Variants in DLX6 observed in about 807,000 individuals in gnomAD.
DLX6 encodes the protein homeobox protein DLX-6.
Under a neutral mutation model 33.5 loss-of-function variants are expected in DLX6, and 4 were observed. The observed-to-expected ratio is 0.12, with a 90% CI of 0.06 to 0.27. The LOEUF (loss-of-function observed/expected upper bound fraction) is 0.27, where lower values mean the gene tolerates loss of function less well. Among genes scored for constraint, DLX6 ranks in the 10% least tolerant of loss-of-function variants. DLX6 has a pLI of 1.00. For synonymous variants in DLX6, 184 were observed against 164.8 expected, an observed-to-expected ratio of 1.12 and a Z score of -0.89; for missense variants, 382 against 393.3, an observed-to-expected ratio of 0.97 and a Z score of 0.24.
Position 97,010,314 on chromosome 7 carries a change from T to C in DLX6, c.*267T>C, listed in dbSNP as rs1393089585. 9.6e-6 allele frequency: 4 copies of C among 415,420 alleles called. No individual in the cohort carries two copies. The highest frequency in any genetic ancestry group is 1.7e-5 in the Non-Finnish European group (4 of 232,244). The allele number at this position is 415,420 out of a possible 1,614,324, so 25.7% of individuals were successfully genotyped here. On this transcript the variant is annotated 3_prime_UTR_variant, in exon 3 of 3. Transcript: ENST00000518156. Reference sequence around the variant, plus strand: ...CTTTCACCTTTTTTCTCATTTACCTTCTCTCTTGAGCAACGTCAGTAATTG... The same window carrying C: ...CTTTCACCTTTTTTCTCATTTACCTCCTCTCTTGAGCAACGTCAGTAATTG...
At chr7:97,008,309 A>G (rs559505773) in intron 2 of DLX6, among the ~76,000 whole-genome samples, 4 of 152,312 alleles carry the variant, frequency 2.6e-5, no homozygotes, top group Admixed American at 1.3e-4. Context: ...ATAGGTTCCA[A>G]TGAGGTTTAG....
Position 97,005,799 on chromosome 7 carries a change from G to A in DLX6, c.-179G>A. 2.2e-6 allele frequency: 1 copy of A among 463,680 alleles called. No homozygotes were observed. Among genetic ancestry groups the A allele is most frequent in the East Asian group, 3.5e-5 (1 of 28,668 alleles). The allele number at this position is 463,680 out of a possible 1,614,324, so 28.7% of individuals were successfully genotyped here. On this transcript the variant is annotated 5_prime_UTR_variant, in exon 1 of 3. Transcript: ENST00000518156. ...TTAAATATATATATATATTAGAGAAGAGCGAGGGAGAGGGAGAACCACCTC... is the reference window on the plus strand; with the variant it reads ...TTAAATATATATATATATTAGAGAAAAGCGAGGGAGAGGGAGAACCACCTC...
rs141424124 is a variant in DLX6 at position 97,007,735 on chromosome 7, G to A, written c.534G>A (p.Gln178=). 6.1e-4 allele frequency: 989 copies of A among 1,612,514 alleles called. 7 individuals are homozygous for A. The Admixed American group carries it at 8.8e-3, about 14-fold the overall frequency. Residue 178 remains glutamine (Q), a synonymous_variant, in exon 2 of 3, where the codon CAG becomes CAA. Transcript: ENST00000518156. ...RKPRTIYSSL[Q]LQALNHRFQQ... is the part of the protein sequence containing the mutation. ...CTCGGACCATTTATTCCAGCCTGCA[G>A]CTCCAGGCTTTAAACCATCGCTTTC...
At chr7:97,008,445 G>T (rs762679947) in intron 2 of DLX6, among the ~76,000 whole-genome samples, 29 of 152,290 alleles carry the variant, frequency 1.9e-4, no homozygotes, top group Admixed American at 1.2e-3. Context: ...TGCCTCCCTG[G>T]AGCACAGGAC....
rs1264998254 is a variant in DLX6, at chr7:97,006,058, G to A, written c.81G>A (p.Gln27=). The change falls in exon 1 of 3, where the codon CAG becomes CAA. Residue 27 remains glutamine (Q), a synonymous_variant. Coordinates refer to ENST00000518156, the MANE Select transcript of DLX6 (RefSeq NM_005222.4). ...CCGCCTTCATGGAGTTCGGGCAGCA[G>A]CAGCAGCAGCAGCAGCAACAGCAGC... ...SKSAFMEFGQ[Q]QQQQQQQQQQ... 2.5e-6 allele frequency: 4 copies of A among 1,577,604 alleles called. No homozygotes were observed. The highest frequency in any genetic ancestry group is 3.4e-6 in the Non-Finnish European group (4 of 1,162,818).
chr7:97,010,146 GAGAGCTCATA>G lies in DLX6; in HGVS notation c.*102_*111del, dbSNP rs1789816426. ...AAAGGAGCCAAAGGAGCAGGCTTAG[GAGAGCTCATA>G]AGTGTGGCAAGAAGCCGACTAGGCT... On this transcript the variant is annotated 3_prime_UTR_variant, in exon 3 of 3. Coordinates refer to ENST00000518156, the MANE Select transcript of DLX6 (RefSeq NM_005222.4). The G allele has an allele frequency of 1.7e-5, 25 of 1,441,490 alleles. No homozygotes were observed. Among genetic ancestry groups the G allele is most frequent in the Non-Finnish European group, 2.3e-5 (25 of 1,074,876 alleles). 89.3% of individuals were successfully genotyped at this position (1,441,490 alleles called of 1,614,324 possible).
rs1466847895 is a variant in DLX6, at chr7:97,005,975, TTGA to T, written c.5_7del (p.Met2?). The stretch of plus-strand genomic sequence containing the variant: ...AGGCTTTCTCCAGCCCCCAAAGTTT[TTGA>T]TGATGACCATGACTACGATGGCTGA... On this transcript the variant is annotated start_lost and 5_prime_UTR_variant, in exon 1 of 3. Coordinates refer to ENST00000518156, the MANE Select transcript of DLX6 (RefSeq NM_005222.4). The T allele has an allele frequency of 6.3e-7, 1 of 1,580,332 alleles. No homozygotes were observed. The highest frequency in any genetic ancestry group is 2.3e-5 in the East Asian group (1 of 42,870).
intron 2 of DLX6, among the ~76,000 whole-genome samples, chr7:97,008,196 T>C (rs1789778239): frequency 6.6e-6 from 1 of 152,224 alleles, no homozygotes; most frequent in Non-Finnish European, 1.5e-5. Flanking sequence ...AAGGTTCAAC[T>C]TTTTTAAGGA....
Position 97,005,862 on chromosome 7 carries a change from T to C in DLX6, c.-116T>C. 2.3e-6 allele frequency: 1 copy of C among 430,276 alleles called. No individual in the cohort carries two copies. Among genetic ancestry groups the C allele is most frequent in the Non-Finnish European group, 3.5e-6 (1 of 288,286 alleles). The allele number at this position is 430,276 out of a possible 1,614,324, so 26.7% of individuals were successfully genotyped here. On this transcript the variant is annotated 5_prime_UTR_variant, in exon 1 of 3. Coordinates refer to ENST00000518156, the MANE Select transcript of DLX6 (RefSeq NM_005222.4). ...TAAATTCTTTTTTTTTTTTTTTTTT[T>C]TTTTTGCAAGGATCCAAAGAGCTAA...
Position 97,007,840 on chromosome 7 carries a change from C to T in DLX6, c.630+9C>T, listed in dbSNP as rs972495662. 3 of 1,575,600 alleles carry T rather than the reference C, an allele frequency of 1.9e-6. No individual in the cohort carries two copies. Among genetic ancestry groups the T allele is most frequent in the African/African-American group, 1.4e-5 (1 of 73,410 alleles). ...GACTGACACAAACACAGGTAATTCC[C>T]GAGAAGCCCAAGTATCCCTGAAATG... On this transcript the variant is annotated intron_variant, in intron 2 of 2. Transcript: ENST00000518156.
At position 97,005,997 on chromosome 7, in the gene DLX6, T is replaced by C. The variant is rs1789705490; in HGVS notation, c.20T>C (p.Met7Thr). 1.3e-6 allele frequency: 2 copies of C among 1,596,580 alleles called. No individual in the cohort carries two copies. The highest frequency in any genetic ancestry group is 1.7e-6 in the Non-Finnish European group (2 of 1,171,552). ...TTTTTGATGATGACCATGACTACGA[T>C]GGCTGACGGCTTGGAAGGCCAGGAC... MMTMTT[M>T]ADGLEGQDSS... The change falls in exon 1 of 3, where the codon ATG becomes ACG. Residue 7 changes from methionine to threonine, a missense_variant. By Grantham distance (81) the Met-to-Thr change is moderately conservative (BLOSUM62 -1). Coordinates refer to ENST00000518156, the MANE Select transcript of DLX6 (RefSeq NM_005222.4).
rs541683065 is a variant in DLX6 at position 97,006,087 on chromosome 7, A to C, written c.110A>C (p.Gln37Pro). 3.2e-6 allele frequency: 5 copies of C among 1,560,190 alleles called. No individual in the cohort carries two copies. In the South Asian group the frequency reaches 4.7e-5, roughly 15 times the overall value. The change falls in exon 1 of 3, where the codon CAG (glutamine) becomes CCG (proline). Residue 37 changes from glutamine to proline, a missense_variant. By Grantham distance (76) the Gln-to-Pro change is moderately conservative. Transcript: ENST00000518156. ...CAGCAGCAGCAGCAACAGCAGCAGC[A>C]GCAGCAGCAGCAACAGCAACAGCCG... ...QQQQQQQQQQ[Q>P]QQQQQQQPPP...
intron 1 of DLX6, 198 bp from the exon 2 acceptor site, chr7:97,007,440 A>G (rs1789760772): frequency 6.3e-6 from 4 of 637,832 alleles, no homozygotes; most frequent in Non-Finnish European, 1.1e-5. Context: ...TGTTCGGGCC[A>G]GGGACTGGGT....
At chr7:97,009,678 G>A in intron 2 of DLX6, 118 bp from the exon 3 acceptor site, 2 of 1,457,166 alleles carry the variant, frequency 1.4e-6, no homozygotes, top group Middle Eastern at 1.8e-4. Flanking sequence ...GGCGTTGGCG[G>A]TGGTTGTTTT....
In DLX6 at chr7:97,010,660, CACATA is replaced by C. The variant is rs1470186860; in HGVS notation, c.*617_*621del. 1 of 152,526 alleles carries C rather than the reference CACATA, an allele frequency of 6.6e-6. No individual in the cohort carries two copies. Among genetic ancestry groups the C allele is most frequent in the Non-Finnish European group, 1.5e-5 (1 of 68,038 alleles). The allele number at this position is 152,526 out of a possible 1,614,324, so 9.4% of individuals were successfully genotyped here. On this transcript the variant is annotated 3_prime_UTR_variant, in exon 3 of 3. Coordinates refer to ENST00000518156, the MANE Select transcript of DLX6 (RefSeq NM_005222.4). Reference sequence around the variant, plus strand: ...GACTGACGAGAAAAAGAAAATTCCTCACATAACAGCCCTTCTCTAAAGAAAAAGGA... The same window carrying C: ...GACTGACGAGAAAAAGAAAATTCCTCACAGCCCTTCTCTAAAGAAAAAGGA...
chr7:97,009,003 C>T (rs1259852032), intron 2 of DLX6, among the ~76,000 whole-genome samples: 1 of 152,206 alleles, frequency 6.6e-6, no homozygotes, highest in Non-Finnish European at 1.5e-5. Flanking sequence ...CCTAGATATG[C>T]TCCCATCCCA....
Position 97,009,879 on chromosome 7 carries a change from C to G in DLX6, c.714C>G (p.Leu238=). The change falls in exon 3 of 3, where the codon CTC becomes CTG. Residue 238 remains leucine (L), a synonymous_variant. Transcript: ENST00000518156. ...QGSNPHESDP[L]QGSAALSPRS... ...GTAATCCTCATGAGAGCGACCCCCTCCAGGGCTCGGCGGCCCTGTCGCCAC... is the reference window on the plus strand; with the variant it reads ...GTAATCCTCATGAGAGCGACCCCCTGCAGGGCTCGGCGGCCCTGTCGCCAC... 1 of 1,613,996 alleles carries G rather than the reference C, an allele frequency of 6.2e-7. No individual in the cohort carries two copies. The highest frequency in any genetic ancestry group is 1.1e-5 in the South Asian group (1 of 91,074).
In DLX6 at chr7:97,006,405, A is replaced by T; in HGVS notation, c.428A>T (p.Asp143Val). 7.1e-7 allele frequency: 1 copy of T among 1,412,068 alleles called. No homozygotes were observed. The highest frequency in any genetic ancestry group is 9.3e-7 in the Non-Finnish European group (1 of 1,070,012). 87.5% of individuals were successfully genotyped at this position (1,412,068 alleles called of 1,614,324 possible). ...NSSAAAQTRGDDTDQQKTTVI... is the reference protein window; with the variant it reads ...NSSAAAQTRGVDTDQQKTTVI... ...AGCGCAGCCGCCCAGACGCGAGGGG[A>T]CGACACAGGTGAGAGGCCGCTGGGG... Residue 143 changes from aspartate to valine, a missense_variant, in exon 1 of 3, where the codon GAC becomes GTC. This residue lies in a region of DLX6 where 257 missense variants were observed against 206.9 expected (regional missense o/e 1.24). Transcript: ENST00000518156.
chr7:97,009,875 C>A lies in DLX6; in HGVS notation c.710C>A (p.Pro237His), dbSNP rs997883699. The stretch of plus-strand genomic sequence containing the variant: ...GGCAGTAATCCTCATGAGAGCGACC[C>A]CCTCCAGGGCTCGGCGGCCCTGTCG... Reference protein sequence around the residue: ...KQGSNPHESDPLQGSAALSPR... With the variant: ...KQGSNPHESDHLQGSAALSPR... The change falls in exon 3 of 3, where the codon CCC (proline) becomes CAC (histidine). Residue 237 changes from proline (P) to histidine (H), a missense_variant. By Grantham distance (77) the Pro-to-His change is moderately conservative (BLOSUM62 -2). Around this residue, in one of 4 missense-constraint regions of DLX6, gnomAD observed 96 missense variants for 93.3 expected, o/e 1.03. Coordinates refer to ENST00000518156, the MANE Select transcript of DLX6 (RefSeq NM_005222.4). The A allele has an allele frequency of 2.5e-6, 4 of 1,613,934 alleles. No homozygotes were observed. Among genetic ancestry groups the A allele is most frequent in the Admixed American group, 1.7e-5 (1 of 60,024 alleles).
Sources: gnomAD v4.1 joint callset for allele counts (sites outside exome capture counted in the v4.1 genomes callset) on GRCh38, gnomAD v4.1.1 for gene constraint, gnomAD v4.1.1 regional missense constraint, MANE v1.5 for transcripts, NCBI Gene and HGNC (gene_info 2026-07-23, HGNC 2026-07-21) for gene names.